MBNL2: variants seen among roughly 807,000 people sequenced by gnomAD.
MBNL2 encodes muscleblind-like protein 2.
In MBNL2, 17 loss-of-function variants were observed where a neutral mutation model predicts 41.9. That is an observed-to-expected ratio of 0.41 (90% CI 0.28 to 0.61). The LOEUF (loss-of-function observed/expected upper bound fraction) is 0.61, where lower values mean the gene tolerates loss of function less well. MBNL2 is among the 20% of genes least tolerant of loss of function. The pLI, the probability that MBNL2 is intolerant of heterozygous loss-of-function variation, is 0.35. For synonymous variants in MBNL2, 195 were observed against 182.9 expected, an observed-to-expected ratio of 1.07 and a Z score of -0.53; for missense variants, 336 against 505.6, an observed-to-expected ratio of 0.66 and a Z score of 3.22.
chr13:97,349,519 ATTTG>A (rs775517529), intron 5 of MBNL2, among the ~76,000 whole-genome samples: 4 of 152,132 alleles, frequency 2.6e-5, no homozygotes, highest in African/African-American at 7.2e-5. Flanking sequence ...TTTCCACAAA[ATTTG>A]TTTATTTATT....
In MBNL2 at chr13:97,314,219, T is replaced by C. The variant is rs977721861; in HGVS notation, c.175-20057T>C. ...AGGCATGCTCCTGCCTCAGGACCAT[T>C]GCATTTCCTCACTCCTCTCCCCAGA... On this transcript the variant is annotated intron_variant, in intron 2 of 8. Coordinates refer to ENST00000679496, the MANE Select transcript of MBNL2 (RefSeq NM_001382683.1). Among the ~76,000 whole-genome samples the C allele has an allele frequency of 3.9e-5, 6 of 152,144 alleles. No homozygotes were observed. The East Asian group carries it at 1.2e-3, about 29-fold the overall frequency.
Position 97,365,132 on chromosome 13 carries a change from T to G in MBNL2, c.1013-4T>G. 1 of 1,601,390 alleles carries G rather than the reference T, an allele frequency of 6.2e-7. No homozygotes were observed. Among genetic ancestry groups the G allele is most frequent in the Non-Finnish European group, 8.6e-7 (1 of 1,168,378 alleles). ...TTTTTCCACCCACCATTGCATGACA[T>G]CAGGGTCAGTTTTGTGCATGACACC... On this transcript the variant is annotated splice_region_variant and splice_polypyrimidine_tract_variant and intron_variant, in intron 7 of 8. Transcript: ENST00000679496.
chr13:97,202,615 A>T, the MBNL2 span, among the ~76,000 whole-genome samples: 3 of 152,050 alleles, frequency 2.0e-5, no homozygotes, highest in East Asian at 3.8e-4. Context: ...TGCAATGTTT[A>T]AAAAAAATAA....
At chr13:97,184,201 G>A in the MBNL2 span, among the ~76,000 whole-genome samples, 1 of 152,168 alleles carries the variant, frequency 6.6e-6, no homozygotes, top group Non-Finnish European at 1.5e-5. Flanking sequence ...TATCCTACAA[G>A]ATATAGAGAG....
At chr13:97,207,043 C>T in the MBNL2 span, among the ~76,000 whole-genome samples, 3 of 152,200 alleles carry the variant, frequency 2.0e-5, no homozygotes, top group African/African-American at 7.2e-5. Context: ...CTACTCACAA[C>T]TTTCTCCCTA....
intron 2 of MBNL2, among the ~76,000 whole-genome samples, chr13:97,299,933 G>C (rs904571620): frequency 6.6e-5 from 10 of 152,120 alleles, no homozygotes; most frequent in African/African-American, 2.4e-4. Flanking sequence ...TGAGCAAAAA[G>C]CTTACTCTTG....
At chr13:97,269,078 A>T (rs2050405475) in intron 1 of MBNL2, among the ~76,000 whole-genome samples, 1 of 152,140 alleles carries the variant, frequency 6.6e-6, no homozygotes, top group Admixed American at 6.5e-5. Flanking sequence ...ATGCCTGAGG[A>T]GAAAAAGGAG....
chr13:97,232,218 T>C (rs1304189624), intron 1 of MBNL2, among the ~76,000 whole-genome samples: 1 of 152,162 alleles, frequency 6.6e-6, no homozygotes, highest in Non-Finnish European at 1.5e-5. Flanking sequence ...TCCTCCCTCC[T>C]TTCAGATGCC....
chr13:97,288,994 G>A (rs192719931), intron 2 of MBNL2, among the ~76,000 whole-genome samples: 480 of 152,198 alleles, frequency 3.2e-3, no homozygotes, highest in Non-Finnish European at 5.3e-3. Context: ...ATATTGCCAG[G>A]GGAAGGAGAA....
At chr13:97,234,497 G>C (rs1045885702) in intron 1 of MBNL2, among the ~76,000 whole-genome samples, 6 of 152,106 alleles carry the variant, frequency 3.9e-5, no homozygotes, top group Admixed American at 1.3e-4. Flanking sequence ...AGCACAGTGC[G>C]GGGGCGGGGG....
chr13:97,321,328 G>T (rs959463034), intron 2 of MBNL2, among the ~76,000 whole-genome samples: 2 of 152,230 alleles, frequency 1.3e-5, no homozygotes, highest in East Asian at 3.8e-4. Flanking sequence ...TGGGGTCCAG[G>T]AGGGGAAGAT....
intron 5 of MBNL2, among the ~76,000 whole-genome samples, chr13:97,353,267 G>GA (rs2062669830): frequency 6.6e-6 from 1 of 152,188 alleles, no homozygotes; most frequent in Middle Eastern, 3.2e-3. Context: ...ACAATGACAT[G>GA]AAAATTACTG....
At chr13:97,278,151 G>C (rs530811088) in intron 2 of MBNL2, among the ~76,000 whole-genome samples, 51 of 150,244 alleles carry the variant, frequency 3.4e-4, no homozygotes, top group African/African-American at 1.2e-3. Context: ...CTACTTGAGA[G>C]GCTGAGGCAG....
chr13:97,227,059 A>G (rs2041734073), intron 1 of MBNL2, among the ~76,000 whole-genome samples: 1 of 74,206 alleles, frequency 1.3e-5, no homozygotes, highest in African/African-American at 5.5e-5. Flanking sequence ...AAAACAAAAA[A>G]AAAATCAAAA....
the MBNL2 span, among the ~76,000 whole-genome samples, chr13:97,162,737 T>C: frequency 5.9e-5 from 9 of 152,268 alleles, no homozygotes; most frequent in Non-Finnish European, 1.3e-4. Context: ...CATACTCATC[T>C]GTGCATACTG....
In MBNL2 at chr13:97,276,072, A is replaced by T; in HGVS notation, c.-164A>T. ...TTGATGAGTGATTGCCTGTCCATAC[A>T]CTCTCTCATCATCCTGTTCCTTGGA... is the stretch of plus-strand genomic sequence containing the variant. On this transcript the variant is annotated 5_prime_UTR_variant, in exon 2 of 9. Transcript: ENST00000679496. 1 of 585,582 alleles carries T rather than the reference A, an allele frequency of 1.7e-6. No homozygotes were observed. The highest frequency in any genetic ancestry group is 3.0e-6 in the Non-Finnish European group (1 of 329,330). The allele number at this position is 585,582 out of a possible 1,614,324, so 36.3% of individuals were successfully genotyped here.
chr13:97,170,615 T>C, the MBNL2 span, among the ~76,000 whole-genome samples: 1 of 152,006 alleles, frequency 6.6e-6, no homozygotes, highest in South Asian at 2.1e-4. Flanking sequence ...GCTGTTCTCT[T>C]GCACTCAGTT....
chr13:97,293,453 A>G (rs780682673), intron 2 of MBNL2, among the ~76,000 whole-genome samples: 41 of 152,178 alleles, frequency 2.7e-4, no homozygotes, highest in African/African-American at 8.4e-4. Context: ...GATGATGATC[A>G]ATGTTTGTAC....
chr13:97,353,518 T>G (rs1384376427), intron 5 of MBNL2, among the ~76,000 whole-genome samples: 1 of 152,214 alleles, frequency 6.6e-6, no homozygotes, highest in Non-Finnish European at 1.5e-5. Context: ...GGGTGAAATT[T>G]TTATTATTGT....
Sources: allele counts gnomAD v4.1 joint callset (sites outside exome capture counted in the v4.1 genomes callset), GRCh38; gene constraint gnomAD v4.1.1; transcripts MANE v1.5; gene names NCBI Gene and HGNC (gene_info 2026-07-23, HGNC 2026-07-21).